CDH11: variants seen among roughly 807,000 people sequenced by gnomAD.
The protein encoded by CDH11 is cadherin 11.
CDH11 carries 11 observed loss-of-function variants against 67.8 expected under a neutral mutation model. The observed-to-expected ratio is 0.16, with a 90% CI of 0.10 to 0.27. The LOEUF (loss-of-function observed/expected upper bound fraction) is 0.27, where lower values mean the gene tolerates loss of function less well. Among genes scored for constraint, CDH11 ranks in the 10% least tolerant of loss-of-function variants. The probability of loss-of-function intolerance (pLI) is 1.00; values close to 1 mark genes in which losing one functional copy is unlikely to be tolerated. For synonymous variants in CDH11, 419 were observed against 400.0 expected (o/e 1.05, Z -0.57); for missense variants, 847 against 1,031.2 (o/e 0.82, Z 2.45).
Position 64,998,867 on chromosome 16 carries a change from G to A in CDH11, c.229-11C>T. 1 of 1,609,842 alleles carries A rather than the reference G, an allele frequency of 6.2e-7. No individual in the cohort carries two copies. Among genetic ancestry groups the A allele is most frequent in the Non-Finnish European group, 8.5e-7 (1 of 1,176,714 alleles). On this transcript the variant is annotated splice_polypyrimidine_tract_variant and intron_variant, in intron 3 of 12. Transcript: ENST00000268603. ...AATATCTGAATGAAGCTGGAAGAAA[G>A]AGAAATTGAGATTTTTAATTCCATG...
chr16:65,075,777 C>T (rs1401541719), intron 1 of CDH11, among the ~76,000 whole-genome samples: 2 of 152,204 alleles, frequency 1.3e-5, no homozygotes, highest in East Asian at 1.9e-4. Context: ...GATACACCAA[C>T]TCTCTCCCAA....
intron 1 of CDH11, among the ~76,000 whole-genome samples, chr16:65,090,517 G>A (rs1316794886): frequency 1.3e-5 from 2 of 151,976 alleles, no homozygotes; most frequent in Admixed American, 6.6e-5. Flanking sequence ...ATGTGACCAT[G>A]GGCAAACAAC....
At chr16:65,099,557 G>T (rs966398062) in intron 1 of CDH11, among the ~76,000 whole-genome samples, 2 of 152,100 alleles carry the variant, frequency 1.3e-5, no homozygotes, top group African/African-American at 4.8e-5. Flanking sequence ...AGACACAAAA[G>T]CTATGTTCTG....
At chr16:64,967,369 C>T (rs527949559) in intron 11 of CDH11, among the ~76,000 whole-genome samples, 153 of 152,182 alleles carry the variant, frequency 1.0e-3, no homozygotes, top group East Asian at 3.3e-3. Context: ...AGGTGCACAC[C>T]GGCCAAGCCC....
intron 2 of CDH11, 117 bp downstream of exon 2, chr16:65,053,687 T>C (rs2074095732): frequency 2.5e-6 from 1 of 403,868 alleles, no homozygotes; most frequent in Non-Finnish European, 5.0e-6. Context: ...GATTCTACTT[T>C]TGGCTTTAGT....
At chr16:64,959,727 A>G (rs1026492808) in intron 11 of CDH11, among the ~76,000 whole-genome samples, 4 of 152,208 alleles carry the variant, frequency 2.6e-5, no homozygotes, top group African/African-American at 9.6e-5. Context: ...ATATTGGAGC[A>G]ATTAAGGGCG....
intron 1 of CDH11, among the ~76,000 whole-genome samples, chr16:65,055,402 A>G (rs2074125901): frequency 6.6e-6 from 1 of 152,234 alleles, no homozygotes. Context: ...TTGAGCCTTA[A>G]GATTCAGCGG....
intron 1 of CDH11, among the ~76,000 whole-genome samples, chr16:65,066,012 T>A (rs1019659155): frequency 6.6e-6 from 1 of 152,222 alleles, no homozygotes; most frequent in Admixed American, 6.5e-5. Flanking sequence ...ATCCATGCAG[T>A]CTGACGCCAG....
intron 2 of CDH11, among the ~76,000 whole-genome samples, chr16:65,026,931 C>G (rs2073545383): frequency 6.6e-6 from 1 of 152,152 alleles, no homozygotes; most frequent in African/African-American, 2.4e-5. Context: ...CGATAAATAT[C>G]TTCTAATAAA....
chr16:65,033,089 A>G (rs1251036750), intron 2 of CDH11, among the ~76,000 whole-genome samples: 1 of 152,192 alleles, frequency 6.6e-6, no homozygotes, highest in Non-Finnish European at 1.5e-5. Context: ...GTTAAAGGAA[A>G]CGTCTGCCCA....
chr16:65,099,231 C>T (rs1164221392), intron 1 of CDH11, among the ~76,000 whole-genome samples: 2 of 152,008 alleles, frequency 1.3e-5, no homozygotes, highest in African/African-American at 4.8e-5. Flanking sequence ...GTAGACAATA[C>T]AAGTGAAAAC....
At chr16:65,075,243 G>A (rs2074489405) in intron 1 of CDH11, among the ~76,000 whole-genome samples, 1 of 152,166 alleles carries the variant, frequency 6.6e-6, no homozygotes, top group African/African-American at 2.4e-5. Context: ...CCATGCTGGG[G>A]GACAGAATGT....
chr16:65,078,423 G>T (rs2074553486), intron 1 of CDH11, among the ~76,000 whole-genome samples: 1 of 152,114 alleles, frequency 6.6e-6, no homozygotes, highest in African/African-American at 2.4e-5. Context: ...GAAAGCTTTA[G>T]AATTAGCATC....
At position 64,998,648 on chromosome 16, in the gene CDH11, A is replaced by T; in HGVS notation, c.437T>A (p.Ile146Asn). The T allele has an allele frequency of 6.2e-7, 1 of 1,614,084 alleles. No individual in the cohort carries two copies. The highest frequency in any genetic ancestry group is 8.5e-7 in the Non-Finnish European group (1 of 1,180,018). ...NRPLEPPSEF[I>N]VKVQDINDNP... ...GTCATTAATGTCCTGGACCTTGACA[A>T]TGAATTCCGACGGTGGCTCCAGTGG... The change falls in exon 4 of 13, where the codon ATT becomes AAT. Residue 146 changes from isoleucine to asparagine, a missense_variant. Ile to Asn is a moderately radical substitution (Grantham distance 149). Around this residue, in one of 2 missense-constraint regions of CDH11, gnomAD observed 235 missense variants for 352.5 expected, o/e 0.67. Coordinates refer to ENST00000268603, the MANE Select transcript of CDH11 (RefSeq NM_001797.4).
In CDH11 at chr16:64,947,202, A is replaced by C. The variant is rs1425984801; in HGVS notation, c.*401T>G. The C allele has an allele frequency of 3.1e-5, 33 of 1,079,392 alleles. No homozygotes were observed. The highest frequency in any genetic ancestry group is 3.7e-5 in the Non-Finnish European group (33 of 886,312). 66.9% of individuals were successfully genotyped at this position (1,079,392 alleles called of 1,614,324 possible). A position where few individuals can be genotyped will look rare whatever the true frequency, so the allele number is the denominator to read the frequency against. On this transcript the variant is annotated 3_prime_UTR_variant, in exon 13 of 13. Transcript: ENST00000268603. ...ATAGAGTGTCCAGAGTTTAAGGCGA[A>C]ATTACAGCTCAGAACTGTTGTCCTT...
At chr16:64,950,384 G>A (rs879278478) in intron 12 of CDH11, among the ~76,000 whole-genome samples, 6 of 151,938 alleles carry the variant, frequency 3.9e-5, no homozygotes, top group Non-Finnish European at 7.4e-5. Flanking sequence ...TTTCTCTTGT[G>A]GGACAAAACC....
At chr16:65,089,232 C>T (rs2074751170) in intron 1 of CDH11, among the ~76,000 whole-genome samples, 1 of 152,130 alleles carries the variant, frequency 6.6e-6, no homozygotes, top group South Asian at 2.1e-4. Context: ...AAACCTCCAA[C>T]TCTGGGTTCC....
intron 1 of CDH11, among the ~76,000 whole-genome samples, chr16:65,106,281 A>G (rs1410484780): frequency 6.6e-6 from 1 of 152,196 alleles, no homozygotes; most frequent in Admixed American, 6.5e-5. Flanking sequence ...TCTTGTTAAC[A>G]GTGAGTGGGA....
chr16:64,966,111 T>C (rs1433154172), intron 11 of CDH11, among the ~76,000 whole-genome samples: 1 of 151,892 alleles, frequency 6.6e-6, no homozygotes, highest in Non-Finnish European at 1.5e-5. Flanking sequence ...TGATAGAAAA[T>C]ATTATTTAAA....
Sources: gnomAD v4.1 joint callset for allele counts (sites outside exome capture counted in the v4.1 genomes callset) on GRCh38, gnomAD v4.1.1 for gene constraint, gnomAD v4.1.1 regional missense constraint, MANE v1.5 for transcripts, NCBI Gene and HGNC (gene_info 2026-07-23, HGNC 2026-07-21) for gene names.